Variants in FHIT observed in about 807,000 individuals in gnomAD.
FHIT encodes fragile histidine triad diadenosine triphosphatase, also known as bis(5'-adenosyl)-triphosphatase.
In FHIT, 19 loss-of-function variants were observed where a neutral mutation model predicts 17.9. The observed-to-expected ratio is 1.06, with a 90% CI of 0.74 to 1.56. The LOEUF (loss-of-function observed/expected upper bound fraction) is 1.56, where lower values mean the gene tolerates loss of function less well. Among genes scored for constraint, FHIT ranks in the 40% most tolerant of loss-of-function variants. The pLI, the probability that FHIT is intolerant of heterozygous loss-of-function variation, is 0.00. For missense variants in FHIT, 248 were observed against 189.2 expected (o/e 1.31, Z -1.82); for synonymous variants, 81 against 69.7 (o/e 1.16, Z -0.81).
At chr3:60,774,593 C>T (rs1700157598) in intron 4 of FHIT, among the ~76,000 whole-genome samples, 1 of 152,148 alleles carries the variant, frequency 6.6e-6, no homozygotes, top group African/African-American at 2.4e-5. Context: ...AGCCACTGTG[C>T]TTGGCCAAAA....
chr3:59,882,227 T>C (rs576335428), intron 8 of FHIT, among the ~76,000 whole-genome samples: 4 of 152,256 alleles, frequency 2.6e-5, no homozygotes, highest in African/African-American at 9.6e-5. Context: ...CATTTAGATA[T>C]GGAAAACAAA....
chr3:59,847,009 C>G (rs1701746946), intron 8 of FHIT, among the ~76,000 whole-genome samples: 1 of 152,116 alleles, frequency 6.6e-6, no homozygotes, highest in Non-Finnish European at 1.5e-5. Flanking sequence ...AAAATTCTCT[C>G]TTTGTCTCTG....
rs1367490158 is a variant in FHIT at position 60,677,595 on chromosome 3, GGTGT to G, written c.-17-140620_-17-140617del. Among the ~76,000 whole-genome samples, 21 of 151,250 alleles carry G rather than the reference GGTGT, an allele frequency of 1.4e-4. No homozygotes were observed. In the East Asian group the frequency reaches 2.9e-3, roughly 21 times the overall value. On this transcript the variant is annotated intron_variant, in intron 4 of 9. Coordinates refer to ENST00000492590, the MANE Select transcript of FHIT (RefSeq NM_002012.4). ...TATATGTGTATATGTATATACATGT[GGTGT>G]GTGTGTATATATGTGTATACATATG...
At chr3:60,385,511 T>C (rs1465102797) in intron 5 of FHIT, among the ~76,000 whole-genome samples, 1 of 152,238 alleles carries the variant, frequency 6.6e-6, no homozygotes. Context: ...AACAATCTTA[T>C]AAATCATTTT....
At chr3:59,813,891 G>A (rs946923459) in intron 8 of FHIT, among the ~76,000 whole-genome samples, 2 of 152,138 alleles carry the variant, frequency 1.3e-5, no homozygotes, top group African/African-American at 4.8e-5. Context: ...AGTTAATGGT[G>A]GTTTGGTGAT....
At chr3:60,038,295 T>A (rs895511904) in intron 5 of FHIT, among the ~76,000 whole-genome samples, 2 of 152,208 alleles carry the variant, frequency 1.3e-5, no homozygotes, top group Admixed American at 1.3e-4. Flanking sequence ...ATAGTGGGAA[T>A]AAAATGTGAC....
At chr3:60,779,530 G>A (rs115558465) in intron 4 of FHIT, among the ~76,000 whole-genome samples, 28 of 152,268 alleles carry the variant, frequency 1.8e-4, no homozygotes, top group African/African-American at 6.5e-4. Flanking sequence ...CAAGCATCAC[G>A]TATCCAAATC....
At chr3:60,499,138 A>G (rs1440912095) in intron 5 of FHIT, among the ~76,000 whole-genome samples, 1 of 152,196 alleles carries the variant, frequency 6.6e-6, no homozygotes, top group Admixed American at 6.5e-5. Context: ...GTTTCTACAG[A>G]GCCTCTACAA....
At chr3:61,120,728 C>T (rs1012854775) in intron 2 of FHIT, among the ~76,000 whole-genome samples, 2 of 152,048 alleles carry the variant, frequency 1.3e-5, no homozygotes, top group African/African-American at 4.8e-5. Flanking sequence ...GGGAACAAAA[C>T]TGGACCAAGA....
intron 3 of FHIT, among the ~76,000 whole-genome samples, chr3:61,040,382 A>G (rs1028938321): frequency 6.6e-6 from 1 of 152,222 alleles, no homozygotes; most frequent in Non-Finnish European, 1.5e-5. Flanking sequence ...ACAAAGAGCA[A>G]TTTAGGAAAA....
At chr3:60,431,745 A>G (rs1453170623) in intron 5 of FHIT, among the ~76,000 whole-genome samples, 1 of 151,718 alleles carries the variant, frequency 6.6e-6, no homozygotes, top group East Asian at 2.0e-4. Flanking sequence ...TCAGCTCAAA[A>G]CGCCTCTCAA....
At chr3:59,769,246 A>G (rs955241594) in intron 8 of FHIT, among the ~76,000 whole-genome samples, 4 of 152,198 alleles carry the variant, frequency 2.6e-5, no homozygotes, top group African/African-American at 9.6e-5. Context: ...GAGAGGAAAC[A>G]GAAACGACAG....
intron 5 of FHIT, among the ~76,000 whole-genome samples, chr3:60,422,343 C>G (rs1286173869): frequency 6.6e-6 from 1 of 152,126 alleles, no homozygotes; most frequent in Non-Finnish European, 1.5e-5. Context: ...GCCAGCCCTG[C>G]AATGCTTGGA....
At chr3:60,018,580 G>C (rs1045438542) in intron 5 of FHIT, among the ~76,000 whole-genome samples, 5 of 151,898 alleles carry the variant, frequency 3.3e-5, no homozygotes, top group Non-Finnish European at 5.9e-5. Flanking sequence ...AACTGTCAGA[G>C]ATCATCTCAG....
chr3:59,834,900 A>G (rs2106720915), intron 8 of FHIT, among the ~76,000 whole-genome samples: 1 of 152,344 alleles, frequency 6.6e-6, no homozygotes, highest in East Asian at 1.9e-4. Context: ...AATCATTAGC[A>G]GTTAAATAGT....
intron 7 of FHIT, among the ~76,000 whole-genome samples, chr3:59,960,209 T>C (rs1319598867): frequency 1.3e-5 from 2 of 152,182 alleles, no homozygotes; most frequent in Non-Finnish European, 2.9e-5. Context: ...GAGATCAGAA[T>C]GGAGATGCAG....
At chr3:60,521,482 C>A (rs561825745) in intron 5 of FHIT, among the ~76,000 whole-genome samples, 1 of 152,084 alleles carries the variant, frequency 6.6e-6, no homozygotes, top group Admixed American at 6.5e-5. Context: ...CTGCTGACTT[C>A]GTGATCCGCC....
chr3:60,432,299 GGACT>G (rs1361172399), intron 5 of FHIT, among the ~76,000 whole-genome samples: 1 of 151,948 alleles, frequency 6.6e-6, no homozygotes, highest in Non-Finnish European at 1.5e-5. Flanking sequence ...TTAATTCTCA[GGACT>G]GACTATAGTT....
chr3:60,991,746 A>G (rs1348872040), intron 3 of FHIT, among the ~76,000 whole-genome samples: 3 of 152,312 alleles, frequency 2.0e-5, no homozygotes, highest in South Asian at 2.1e-4. Flanking sequence ...AACACATAAT[A>G]CAGAGTAGTG....
Sources: allele counts gnomAD v4.1 joint callset (sites outside exome capture counted in the v4.1 genomes callset), GRCh38; gene constraint gnomAD v4.1.1; transcripts MANE v1.5; gene names NCBI Gene and HGNC (gene_info 2026-07-23, HGNC 2026-07-21).